ASMT: variants seen among roughly 807,000 people sequenced by gnomAD.
ASMT encodes acetylserotonin N-methyltransferase.
In ASMT, 53 loss-of-function variants were observed where a neutral mutation model predicts 41.3. The observed-to-expected ratio is 1.28, with a 90% CI of 1.03 to 1.61. The LOEUF is 1.61. Ranked by LOEUF, ASMT falls within the 40% of genes most tolerant of loss-of-function variation. The pLI, the probability that ASMT is intolerant of heterozygous loss-of-function variation, is 0.00. For missense variants in ASMT, 531 were observed against 441.3 expected, an observed-to-expected ratio of 1.20 and a Z score of -1.82; for synonymous variants, 231 against 184.8, an observed-to-expected ratio of 1.25 and a Z score of -2.03.
In ASMT at chrX:1,642,845, G is replaced by A. The variant is rs1223380349; in HGVS notation, c.953G>A (p.Arg318Lys). 1.9e-6 allele frequency: 3 copies of A among 1,613,888 alleles called. No homozygotes were observed. The African/African-American group carries it at 4.0e-5, about 22-fold the overall frequency. ...ATTGAAAGCCTCCTGGATGAAGACA[G>A]GCGAGGTCCTCTGCTCACGCAGCTC... Reference protein sequence around the residue: ...LVIESLLDEDRRGPLLTQLYS... With the variant: ...LVIESLLDEDKRGPLLTQLYS... Residue 318 changes from arginine to lysine, a missense_variant, in exon 9 of 9, where the codon AGG becomes AAG. By Grantham distance (26) the Arg-to-Lys change is conservative (BLOSUM62 2). Coordinates refer to ENST00000381241, the MANE Select transcript of ASMT (RefSeq NM_001171038.2).
chrX:1,632,074 A>G (rs1168013150), intron 5 of ASMT, among the ~76,000 whole-genome samples: 2 of 152,092 alleles, frequency 1.3e-5, no homozygotes, highest in Non-Finnish European at 2.9e-5. Context: ...CTGACTTTCT[A>G]CAGAAATAAT....
Position 1,624,053 on chromosome X carries a change from C to G in ASMT, c.245-216C>G, listed in dbSNP as rs752320188. On this transcript the variant is annotated intron_variant, in intron 2 of 8. Transcript: ENST00000381241. ...CCCAAACTCCCGATGGGGATTTGTACAAACCGAACCCGACGGGGGTGCTAG... is the reference window on the plus strand; with the variant it reads ...CCCAAACTCCCGATGGGGATTTGTAGAAACCGAACCCGACGGGGGTGCTAG... Among the ~76,000 whole-genome samples, 5 of 152,102 alleles carry G rather than the reference C, an allele frequency of 3.3e-5. 1 individual carries two copies. The highest frequency in any genetic ancestry group is 1.2e-4 in the African/African-American group (5 of 41,516).
rs753130882 is a variant in ASMT, at chrX:1,624,277, C to T, written c.253C>T (p.Arg85Ter). Residue 85 changes from arginine (R) to a stop codon, truncating the protein, a stop_gained, in exon 3 of 9, where the codon CGA (arginine) becomes TGA (stop). Coordinates refer to ENST00000381241, the MANE Select transcript of ASMT (RefSeq NM_001171038.2). LOFTEE classifies it high-confidence loss of function. ...TTTTGTGTGTGTTTCAGCTTTCTAT[C>T]GAAACACAGAGCTGTCCAGCGACTA... ...VETRGGKAFYRNTELSSDYLT... is the reference protein window; with the variant it reads ...VETRGGKAFY The T allele has an allele frequency of 8.7e-6, 14 of 1,613,932 alleles. No individual in the cohort carries two copies. Among genetic ancestry groups the T allele is most frequent in the East Asian group, 4.5e-5 (2 of 44,884 alleles).
intron 1 of ASMT, among the ~76,000 whole-genome samples, chrX:1,615,615 C>T (rs778243561): frequency 6.6e-6 from 1 of 152,062 alleles, no homozygotes; most frequent in East Asian, 1.9e-4. Flanking sequence ...CCAGCCTGAC[C>T]CACACAGAGA....
At chrX:1,625,030 G>C (rs62593336) in intron 3 of ASMT, among the ~76,000 whole-genome samples, 24,072 of 150,394 alleles carry the variant, frequency 0.16, 2,096 homozygotes, top group African/African-American at 0.25. Flanking sequence ...CAGGACTACC[G>C]CCAGGGGCTG....
At chrX:1,626,845 T>C (rs759826140) in intron 3 of ASMT, among the ~76,000 whole-genome samples, 1 of 145,516 alleles carries the variant, frequency 6.9e-6, no homozygotes. Flanking sequence ...CTGACCAACA[T>C]AGTGAAACCC....
In ASMT at chrX:1,629,902, T is replaced by G. The variant is rs1934706900; in HGVS notation, c.525T>G (p.Phe175Leu). The change falls in exon 5 of 9, where the codon TTT (phenylalanine) becomes TTG (leucine). Residue 175 changes from phenylalanine to leucine, a missense_variant. Phe to Leu is a conservative substitution (Grantham distance 22). Transcript: ENST00000381241. The stretch of plus-strand genomic sequence containing the variant: ...ACGGGAGAAGCGTGCTGACCGCCTT[T>G]GACCTGTCAGTGTTCCCACTTATGT... ...SVNGRSVLTA[F>L]DLSVFPLMCD... The G allele has an allele frequency of 2.5e-6, 4 of 1,613,990 alleles. No individual in the cohort carries two copies. The highest frequency in any genetic ancestry group is 3.4e-6 in the Non-Finnish European group (4 of 1,179,862).
At position 1,623,190 on chromosome X, in the gene ASMT, C is replaced by G. The variant is rs747416796; in HGVS notation, c.121C>G (p.Pro41Ala). ...LGVFDLLAEA[P>A]GPLDVAAVAA... Reference sequence around the variant, plus strand: ...CGTGTTTGACCTTCTCGCCGAGGCCCCAGGGCCCCTGGACGTGGCGGCAGT... The same window carrying G: ...CGTGTTTGACCTTCTCGCCGAGGCCGCAGGGCCCCTGGACGTGGCGGCAGT... The change falls in exon 2 of 9, where the codon CCA (proline) becomes GCA (alanine). Residue 41 changes from proline (P) to alanine (A), a missense_variant. Pro to Ala is a conservative substitution (Grantham distance 27). Transcript: ENST00000381241. 3.1e-6 allele frequency: 5 copies of G among 1,613,316 alleles called. No individual in the cohort carries two copies. Among genetic ancestry groups the G allele is most frequent in the Non-Finnish European group, 4.2e-6 (5 of 1,179,836 alleles).
intron 6 of ASMT, 129 bp from the exon 7 acceptor site, chrX:1,633,021 A>G (rs1934835688): frequency 1.8e-6 from 2 of 1,081,868 alleles, no homozygotes; most frequent in African/African-American, 1.5e-5. Flanking sequence ...AAAAAGAAAA[A>G]AAAGACCAGA....
chrX:1,616,875 A>G (rs1259425019), intron 1 of ASMT, among the ~76,000 whole-genome samples: 17 of 151,544 alleles, frequency 1.1e-4, no homozygotes, highest in Non-Finnish European at 1.6e-4. Flanking sequence ...CGCCCGGCTA[A>G]TTTTTTGTAT....
At chrX:1,632,978 T>C (rs1252445412) in intron 6 of ASMT, 172 bp from the exon 7 acceptor site, 7 of 200,784 alleles carry the variant, frequency 3.5e-5, no homozygotes, top group Non-Finnish European at 5.3e-5. Flanking sequence ...AACCGCATGT[T>C]CTGCACATGT....
intron 1 of ASMT, among the ~76,000 whole-genome samples, chrX:1,618,125 C>T (rs1207028576): frequency 6.0e-5 from 9 of 149,714 alleles, no homozygotes; most frequent in African/African-American, 2.3e-4. Context: ...ATTACAGGTG[C>T]CTGCCACCAA....
At chrX:1,638,602 C>T (rs1935055373) in intron 8 of ASMT, among the ~76,000 whole-genome samples, 1 of 1,340 alleles carries the variant, frequency 7.5e-4, no homozygotes, top group Non-Finnish European at 1.4e-3. Context: ...GAGGTCCACC[C>T]ATCCTGATGC....
Position 1,615,282 on chromosome X carries a change from T to A in ASMT, c.69+14T>A. On this transcript the variant is annotated intron_variant, in intron 1 of 8. Coordinates refer to ENST00000381241, the MANE Select transcript of ASMT (RefSeq NM_001171038.2). ...ATGGTGTCCCAGGTAGGATACGCTCTGTGGGACAAGGGGGAATAGACTTCC... is the reference window on the plus strand; with the variant it reads ...ATGGTGTCCCAGGTAGGATACGCTCAGTGGGACAAGGGGGAATAGACTTCC... 1.3e-6 allele frequency: 2 copies of A among 1,582,844 alleles called. No individual in the cohort carries two copies. Among genetic ancestry groups the A allele is most frequent in the Non-Finnish European group, 1.7e-6 (2 of 1,163,620 alleles).
At chrX:1,628,086 C>T (rs1363606227) in intron 4 of ASMT, 72 of 408,092 alleles carry the variant, frequency 1.8e-4, no homozygotes, top group African/African-American at 1.1e-3. Context: ...TTTGGGAGGC[C>T]GAGGCAGGTG....
Position 1,629,759 on chromosome X carries a change from C to T in ASMT, c.444-62C>T, listed in dbSNP as rs1410305146. The T allele has an allele frequency of 1.9e-5, 29 of 1,487,814 alleles. No homozygotes were observed. The East Asian group carries it at 6.3e-4, about 32-fold the overall frequency. 92.2% of individuals were successfully genotyped at this position (1,487,814 alleles called of 1,614,324 possible). A position where few individuals can be genotyped will look rare whatever the true frequency, so the allele number is the denominator to read the frequency against. On this transcript the variant is annotated intron_variant, in intron 4 of 8. Coordinates refer to ENST00000381241, the MANE Select transcript of ASMT (RefSeq NM_001171038.2). The stretch of plus-strand genomic sequence containing the variant: ...CGTTCTCAACAGGGGGTTATGTACA[C>T]CCTTGCTCTGGGCACGTCCCCAGAT...
intron 3 of ASMT, among the ~76,000 whole-genome samples, chrX:1,625,910 GCA>G (rs1569374768): frequency 7.3e-6 from 1 of 136,880 alleles, no homozygotes; most frequent in African/African-American, 2.8e-5. Context: ...AGCCAAGATC[GCA>G]CCACTGCACT....
intron 1 of ASMT, among the ~76,000 whole-genome samples, chrX:1,616,987 C>A (rs1298906996): frequency 4.6e-5 from 7 of 151,978 alleles, no homozygotes; most frequent in African/African-American, 9.7e-5. Flanking sequence ...GGATTACAGG[C>A]GTGAGCCACT....
intron 7 of ASMT, among the ~76,000 whole-genome samples, chrX:1,634,969 G>GTATTTTC (rs1934904043): frequency 1.6e-5 from 2 of 126,094 alleles, no homozygotes; most frequent in Non-Finnish European, 3.3e-5. Flanking sequence ...CCTGGCCTGA[G>GTATTTTC]TTAACTCTTT....
Sources: allele counts gnomAD v4.1 joint callset (sites outside exome capture counted in the v4.1 genomes callset), GRCh38; gene constraint gnomAD v4.1.1; transcripts MANE v1.5; gene names NCBI Gene and HGNC (gene_info 2026-07-23, HGNC 2026-07-21).